Variants in LENG1 observed in about 807,000 individuals in gnomAD.
The protein encoded by LENG1 is leukocyte receptor cluster member 1, also known as leukocyte receptor cluster (LRC) member 1.
LENG1 carries 35 observed loss-of-function variants against 28.8 expected under a neutral mutation model. The ratio of observed to expected loss-of-function variants is 1.22; its 90% CI spans 0.93 to 1.61. The LOEUF is 1.61. LENG1 is among the 40% of genes most tolerant of loss of function. LENG1 has a pLI of 0.00. For missense variants in LENG1, 404 were observed against 348.9 expected (o/e 1.16, Z -1.26); for synonymous variants, 170 against 140.6 (o/e 1.21, Z -1.48).
At chr19:54,156,069 GGCCT>G in intron 3 of LENG1, 129 bp from the exon 4 acceptor site, 2 of 814,310 alleles carry the variant, frequency 2.5e-6, no homozygotes, top group Non-Finnish European at 3.8e-6. Flanking sequence ...CAGCTCCTTA[GGCCT>G]GCTGGAAGCA....
chr19:54,158,726 G>A (rs2075443728), intron 1 of LENG1, among the ~76,000 whole-genome samples: 1 of 152,102 alleles, frequency 6.6e-6, no homozygotes, highest in Admixed American at 6.5e-5. Flanking sequence ...AAACCAAAGG[G>A]GTTCCTAACC....
At chr19:54,158,846 G>A (rs1181692392) in intron 1 of LENG1, among the ~76,000 whole-genome samples, 1 of 152,218 alleles carries the variant, frequency 6.6e-6, no homozygotes, top group African/African-American at 2.4e-5. Flanking sequence ...CCTGTCCCCT[G>A]CCTTCAGGAC....
At chr19:54,157,126 G>T in intron 2 of LENG1, 101 bp from the exon 3 acceptor site, 1 of 948,950 alleles carries the variant, frequency 1.1e-6, no homozygotes, top group Non-Finnish European at 1.5e-6. Flanking sequence ...TCTAAGGCTT[G>T]TTATGAACCA....
intron 3 of LENG1, among the ~76,000 whole-genome samples, chr19:54,156,242 C>T (rs565832348): frequency 2.9e-4 from 44 of 152,336 alleles, no homozygotes; most frequent in Middle Eastern, 3.4e-3. Flanking sequence ...AAGAAGACTA[C>T]AGGCAGTGTA....
Position 54,155,832 on chromosome 19 carries a change from C to A in LENG1, c.684G>T (p.Glu228Asp), listed in dbSNP as rs763637007. 6 of 1,612,736 alleles carry A rather than the reference C, an allele frequency of 3.7e-6. No homozygotes were observed. The East Asian group carries it at 1.3e-4, about 36-fold the overall frequency. ...LARVQGRALQ[E>D]GQPEEDETDD... is the part of the protein sequence containing the mutation. ...CCGTCTCGTCTTCTTCCGGCTGACC[C>A]TCCTGTAGTGCCCGGCCTTGGACCC... Residue 228 changes from glutamate to aspartate, a missense_variant, in exon 4 of 4, where the codon GAG becomes GAT. By Grantham distance (45) the Glu-to-Asp change is conservative. Coordinates refer to ENST00000222224, the MANE Select transcript of LENG1 (RefSeq NM_024316.3).
rs551528484 is a variant in LENG1 at position 54,156,787 on chromosome 19, C to T, written c.551G>A (p.Gly184Glu). The T allele has an allele frequency of 8.1e-6, 13 of 1,613,264 alleles. No individual in the cohort carries two copies. The African/African-American group carries it at 1.5e-4, about 18-fold the overall frequency. ...CTCCTTGGGTCGCTGCTTCTCAGAC[C>T]CCTCCTTTTCCTTTCTGCTGCGACT... is the stretch of plus-strand genomic sequence containing the variant. ...EGSRSRKEKE[G>E]SEKQRPKEPP... is the part of the protein sequence containing the mutation. The change falls in exon 3 of 4, where the codon GGG becomes GAG. Residue 184 changes from glycine (G) to glutamate (E), a missense_variant. By Grantham distance (98) the Gly-to-Glu change is moderately conservative (BLOSUM62 -2). Coordinates refer to ENST00000222224, the MANE Select transcript of LENG1 (RefSeq NM_024316.3).
chr19:54,159,125 G>A (rs1478377933), intron 1 of LENG1, among the ~76,000 whole-genome samples: 1 of 152,232 alleles, frequency 6.6e-6, no homozygotes, highest in Non-Finnish European at 1.5e-5. Context: ...TCGTGCAACA[G>A]AGATGACAGT....
rs1292261567 is a variant in LENG1, at chr19:54,159,613, C to T, written c.83G>A (p.Arg28Gln). Reference sequence around the variant, plus strand: ...CCGCTCACGCTCCTTCTCCTCCTCCCGGGCCTGGGCCTCGTCACGCCGCAC... The same window carrying T: ...CCGCTCACGCTCCTTCTCCTCCTCCTGGGCCTGGGCCTCGTCACGCCGCAC... ...ARVRRDEAQA[R>Q]EEEKERERRV... Residue 28 changes from arginine to glutamine, a missense_variant, in exon 1 of 4, where the codon CGG becomes CAG. Coordinates refer to ENST00000222224, the MANE Select transcript of LENG1 (RefSeq NM_024316.3). 2 of 1,609,416 alleles carry T rather than the reference C, an allele frequency of 1.2e-6. No individual in the cohort carries two copies. Among genetic ancestry groups the T allele is most frequent in the African/African-American group, 1.3e-5 (1 of 74,892 alleles).
At position 54,156,931 on chromosome 19, in the gene LENG1, C is replaced by T; in HGVS notation, c.407G>A (p.Gly136Glu). The change falls in exon 3 of 4, where the codon GGG (glycine) becomes GAG (glutamate). Residue 136 changes from glycine (G) to glutamate (E), a missense_variant. Coordinates refer to ENST00000222224, the MANE Select transcript of LENG1 (RefSeq NM_024316.3). ...TQPPWYQLPPGRGGPPPGPAP... is the reference protein window; with the variant it reads ...TQPPWYQLPPERGGPPPGPAP... The stretch of plus-strand genomic sequence containing the variant: ...TGGGCCGGGCGGGGGGCCCCCTCGC[C>T]CTGGGGGTAGCTGGTACCAAGGGGG... 1.2e-6 allele frequency: 2 copies of T among 1,613,318 alleles called. No individual in the cohort carries two copies. The highest frequency in any genetic ancestry group is 1.7e-6 in the Non-Finnish European group (2 of 1,179,534).
At chr19:54,157,883 A>G (rs1398481349) in intron 2 of LENG1, among the ~76,000 whole-genome samples, 1 of 149,268 alleles carries the variant, frequency 6.7e-6, no homozygotes, top group Non-Finnish European at 1.5e-5. Context: ...ATGCCCGGCT[A>G]ATTTTTTTTG....
At chr19:54,156,653 C>G in intron 3 of LENG1, 110 bp downstream of exon 3, 2 of 1,197,420 alleles carry the variant, frequency 1.7e-6, no homozygotes, top group South Asian at 3.3e-5. Context: ...CTAGCCAGCC[C>G]TTCACGGAGT....
chr19:54,155,250 C>T lies in LENG1; in HGVS notation c.*471G>A, dbSNP rs768502911. 1.6e-5 allele frequency: 26 copies of T among 1,595,766 alleles called. No individual in the cohort carries two copies. Among genetic ancestry groups the T allele is most frequent in the South Asian group, 3.4e-5 (3 of 88,724 alleles). On this transcript the variant is annotated 3_prime_UTR_variant, in exon 4 of 4. Transcript: ENST00000222224. Reference sequence around the variant, plus strand: ...GAATTGTCCCCTTTGTCTGTTGGTCCGGCCCAGATCCCAGACCACCTCCTC... The same window carrying T: ...GAATTGTCCCCTTTGTCTGTTGGTCTGGCCCAGATCCCAGACCACCTCCTC...
intron 2 of LENG1, 77 bp from the exon 3 acceptor site, chr19:54,157,102 T>G: frequency 8.2e-7 from 1 of 1,216,468 alleles, no homozygotes; most frequent in Non-Finnish European, 1.1e-6. Context: ...CACAGGTATC[T>G]AAGCGAACAG....
chr19:54,156,581 C>T (rs550133793), intron 3 of LENG1, among the ~76,000 whole-genome samples, 182 bp downstream of exon 3: 4 of 152,222 alleles, frequency 2.6e-5, no homozygotes, highest in East Asian at 1.9e-4. Context: ...CACAGCACCC[C>T]GGGAAAGGGT....
At chr19:54,156,738 G>A (rs199914854) in intron 3 of LENG1, 25 bp downstream of exon 3, 38 of 1,590,028 alleles carry the variant, frequency 2.4e-5, no homozygotes, top group Non-Finnish European at 3.1e-5. Context: ...CTGGGCCCTG[G>A]TCTGCCGAGG....
rs761178919 is a variant in LENG1 at position 54,155,802 on chromosome 19, G to T, written c.714C>A (p.Asp238Glu). ...EGQPEEDETD[D>E]RRRRYNSQFN... ...ATTGGGAGTTGTACCGCCGCCGCCGGTCATCCGTCTCGTCTTCTTCCGGCT... is the reference window on the plus strand; with the variant it reads ...ATTGGGAGTTGTACCGCCGCCGCCGTTCATCCGTCTCGTCTTCTTCCGGCT... The change falls in exon 4 of 4, where the codon GAC becomes GAA. Residue 238 changes from aspartate to glutamate, a missense_variant. Transcript: ENST00000222224. 3.7e-6 allele frequency: 6 copies of T among 1,612,066 alleles called. No homozygotes were observed. Among genetic ancestry groups the T allele is most frequent in the Non-Finnish European group, 5.1e-6 (6 of 1,179,736 alleles).
In LENG1 at chr19:54,156,855, C is replaced by T. The variant is rs1469191689; in HGVS notation, c.483G>A (p.Gln161=). 1.9e-6 allele frequency: 3 copies of T among 1,611,006 alleles called. No homozygotes were observed. The African/African-American group carries it at 4.0e-5, about 22-fold the overall frequency. Residue 161 remains glutamine (Q), a synonymous_variant, in exon 3 of 4, where the codon CAG becomes CAA. Transcript: ENST00000222224. ...KSRLDPLREM[Q]KHLGKKRQHG... is the part of the protein sequence containing the mutation. ...GCTGTCTCTTCTTCCCCAGATGCTT[C>T]TGCATCTCCCGCAGAGGGTCCAGAC...
At position 54,155,234 on chromosome 19, in the gene LENG1, C is replaced by G. The variant is rs775168509; in HGVS notation, c.*487G>C. ...ACATCCACAGCCCTAAGAATTGTCC[C>G]CTTTGTCTGTTGGTCCGGCCCAGAT... On this transcript the variant is annotated 3_prime_UTR_variant, in exon 4 of 4. Transcript: ENST00000222224. 50 of 1,575,644 alleles carry G rather than the reference C, an allele frequency of 3.2e-5. No homozygotes were observed. The highest frequency in any genetic ancestry group is 4.1e-5 in the Non-Finnish European group (48 of 1,163,156).
At chr19:54,156,612 C>G in intron 3 of LENG1, 151 bp downstream of exon 3, 1 of 812,278 alleles carries the variant, frequency 1.2e-6, no homozygotes, top group East Asian at 2.6e-5. Context: ...CTAGGGCTCC[C>G]TGGACCACAT....
Sources: allele counts gnomAD v4.1 joint callset (sites outside exome capture counted in the v4.1 genomes callset), GRCh38; gene constraint gnomAD v4.1.1; transcripts MANE v1.5; gene names NCBI Gene and HGNC (gene_info 2026-07-23, HGNC 2026-07-21).